MYRIP: variants seen among roughly 807,000 people sequenced by gnomAD.
MYRIP encodes the protein rab effector MyRIP.
In MYRIP, 49 loss-of-function variants were observed where a neutral mutation model predicts 98.0. That is an observed-to-expected ratio of 0.50 (90% CI 0.40 to 0.63). The LOEUF (loss-of-function observed/expected upper bound fraction) is 0.63. Among genes scored for constraint, MYRIP ranks in the 30% least tolerant of loss-of-function variants. MYRIP has a pLI of 0.00. For missense variants in MYRIP, 1,004 were observed against 1,058.2 expected, an observed-to-expected ratio of 0.95 and a Z score of 0.71; for synonymous variants, 404 against 409.5, an observed-to-expected ratio of 0.99 and a Z score of 0.16.
chr3:39,967,409 A>T (rs1271771517), intron 2 of MYRIP, among the ~76,000 whole-genome samples: 1 of 152,100 alleles, frequency 6.6e-6, no homozygotes, highest in South Asian at 2.1e-4. Context: ...CATGCAAAAG[A>T]AAAGATCTTA....
intron 2 of MYRIP, among the ~76,000 whole-genome samples, chr3:39,963,498 T>G (rs984138733): frequency 1.3e-5 from 2 of 152,184 alleles, no homozygotes; most frequent in African/African-American, 2.4e-5. Flanking sequence ...TGCAAGATGC[T>G]ATTGATGCAG....
chr3:40,055,296 C>T (rs929314212), intron 3 of MYRIP, among the ~76,000 whole-genome samples: 5 of 152,100 alleles, frequency 3.3e-5, no homozygotes, highest in African/African-American at 1.2e-4. Context: ...AGATATGCTA[C>T]AAATGTGCTT....
At chr3:40,024,053 T>C (rs2125810105) in intron 2 of MYRIP, among the ~76,000 whole-genome samples, 1 of 152,274 alleles carries the variant, frequency 6.6e-6, no homozygotes, top group East Asian at 1.9e-4. Context: ...AAGTGGGTGG[T>C]GGAGGAAGTA....
At chr3:40,241,501 C>T (rs530411106) in intron 12 of MYRIP, among the ~76,000 whole-genome samples, 2 of 152,098 alleles carry the variant, frequency 1.3e-5, no homozygotes, top group South Asian at 4.2e-4. Flanking sequence ...ACAAGATGCT[C>T]TAAGGTCAAA....
In MYRIP at chr3:40,044,161, C is replaced by T. The variant is rs765179729; in HGVS notation, c.222C>T (p.Leu74=). 21 of 1,613,974 alleles carry T rather than the reference C, an allele frequency of 1.3e-5. No homozygotes were observed. The highest frequency in any genetic ancestry group is 1.7e-5 in the Non-Finnish European group (20 of 1,180,014). The change falls in exon 3 of 17, where the codon CTC becomes CTT. Residue 74 remains leucine (L), a synonymous_variant. Coordinates refer to ENST00000302541, the MANE Select transcript of MYRIP (RefSeq NM_015460.4). ...CMRCCSPFTF[L]VNTKRQCGDC... is the part of the protein sequence containing the mutation. ...GCTGCTGCTCGCCCTTCACCTTCCT[C>T]GTCAACACCAAGCGCCAGTGTGGAG...
At chr3:40,029,086 A>T (rs1947200453) in intron 2 of MYRIP, among the ~76,000 whole-genome samples, 1 of 152,080 alleles carries the variant, frequency 6.6e-6, no homozygotes, top group South Asian at 2.1e-4. Context: ...TTCTTTTTGG[A>T]TGTTTTATCC....
At chr3:40,077,878 G>GGCTGCAGGTGGA (rs955394859) in intron 3 of MYRIP, among the ~76,000 whole-genome samples, 7 of 152,164 alleles carry the variant, frequency 4.6e-5, no homozygotes, top group African/African-American at 1.7e-4. Context: ...CTGCAGGTGG[G>GGCTGCAGGTGGA]GCTGCAGGTG....
In MYRIP at chr3:40,250,519, C is replaced by T. The variant is rs1953342242; in HGVS notation, c.2428+20C>T. 6.2e-7 allele frequency: 1 copy of T among 1,613,508 alleles called. No homozygotes were observed. Among genetic ancestry groups the T allele is most frequent in the Non-Finnish European group, 8.5e-7 (1 of 1,179,656 alleles). ...TGAAAGGTATGCTAAATTAAAACCACAAAGCTACCAAAAAATTAAGCCTGA... is the reference window on the plus strand; with the variant it reads ...TGAAAGGTATGCTAAATTAAAACCATAAAGCTACCAAAAAATTAAGCCTGA... On this transcript the variant is annotated intron_variant, in intron 15 of 16. Transcript: ENST00000302541.
chr3:40,134,735 TGTTCTGCA>T (rs1285472728), intron 3 of MYRIP, among the ~76,000 whole-genome samples: 1 of 152,210 alleles, frequency 6.6e-6, no homozygotes, highest in Non-Finnish European at 1.5e-5. Context: ...CAATATCTGC[TGTTCTGCA>T]GCCACCGCTG....
chr3:40,105,123 G>A (rs1196154630), intron 3 of MYRIP, among the ~76,000 whole-genome samples: 1 of 152,056 alleles, frequency 6.6e-6, no homozygotes, highest in African/African-American at 2.4e-5. Flanking sequence ...CATGGAACAG[G>A]AGAATTTAGC....
intron 3 of MYRIP, among the ~76,000 whole-genome samples, chr3:40,066,441 G>C (rs1480033387): frequency 6.6e-6 from 1 of 152,100 alleles, no homozygotes; most frequent in East Asian, 1.9e-4. Flanking sequence ...CTCCTGTTCA[G>C]AGGGTGTTGG....
chr3:40,014,722 C>G (rs1201311319), intron 2 of MYRIP, among the ~76,000 whole-genome samples: 1 of 152,204 alleles, frequency 6.6e-6, no homozygotes, highest in African/African-American at 2.4e-5. Flanking sequence ...TAATGAGGCT[C>G]AAAGGCTGGT....
intron 13 of MYRIP, among the ~76,000 whole-genome samples, chr3:40,246,308 C>T (rs1022953406): frequency 5.3e-5 from 8 of 151,470 alleles, no homozygotes; most frequent in Admixed American, 5.3e-4. Context: ...TGGGCAGGAG[C>T]GGAAATAGAT....
At chr3:39,889,722 T>C (rs112955099) in intron 1 of MYRIP, among the ~76,000 whole-genome samples, 2,794 of 152,234 alleles carry the variant, frequency 0.018, 83 homozygotes, top group African/African-American at 0.063. Flanking sequence ...TGACTTTGCT[T>C]ATAATGTTGT....
At chr3:40,251,315 A>T (rs111950728) in intron 15 of MYRIP, among the ~76,000 whole-genome samples, 3 of 152,340 alleles carry the variant, frequency 2.0e-5, no homozygotes, top group South Asian at 2.1e-4. Context: ...TTTATCACAG[A>T]TTCACAGTCC....
chr3:39,929,895 G>A (rs184489674), intron 2 of MYRIP, among the ~76,000 whole-genome samples: 73 of 151,980 alleles, frequency 4.8e-4, no homozygotes, highest in African/African-American at 1.7e-3. Flanking sequence ...CATGTTAAGC[G>A]TGTATCAGTA....
chr3:39,870,969 G>T (rs9311224), intron 1 of MYRIP, among the ~76,000 whole-genome samples: 1 of 151,904 alleles, frequency 6.6e-6, no homozygotes, highest in Admixed American at 6.6e-5. Flanking sequence ...CCAAAGAAAA[G>T]ATGAAGTGTA....
intron 1 of MYRIP, among the ~76,000 whole-genome samples, chr3:39,881,033 A>T (rs148800087): frequency 8.2e-4 from 125 of 152,000 alleles, no homozygotes; most frequent in Non-Finnish European, 1.4e-3. Context: ...TTATCTTCCA[A>T]GCTTTCTATT....
intron 11 of MYRIP, among the ~76,000 whole-genome samples, chr3:40,228,425 C>T (rs1328598315): frequency 6.6e-6 from 1 of 151,830 alleles, no homozygotes; most frequent in Non-Finnish European, 1.5e-5. Context: ...TTCATGGGCC[C>T]CTAAAGGAAT....
Sources: gnomAD v4.1 joint callset for allele counts (sites outside exome capture counted in the v4.1 genomes callset) on GRCh38, gnomAD v4.1.1 for gene constraint, MANE v1.5 for transcripts, NCBI Gene and HGNC (gene_info 2026-07-23, HGNC 2026-07-21) for gene names.